XKR4: variants seen among roughly 807,000 people sequenced by gnomAD.
XKR4 encodes XK related 4.
A neutral mutation model predicts 53.9 loss-of-function variants in XKR4; 12 were observed. The ratio of observed to expected loss-of-function variants is 0.22; its 90% CI spans 0.14 to 0.36. The LOEUF is 0.36. Ranked by LOEUF, XKR4 falls within the 10% of genes least tolerant of loss-of-function variation. The pLI, the probability that XKR4 is intolerant of heterozygous loss-of-function variation, is 1.00. For missense variants in XKR4, 799 were observed against 859.5 expected (o/e 0.93, Z 0.88); for synonymous variants, 354 against 362.4 (o/e 0.98, Z 0.26).
At chr8:55,485,083 C>T (rs973216940) in intron 2 of XKR4, among the ~76,000 whole-genome samples, 3 of 152,196 alleles carry the variant, frequency 2.0e-5, no homozygotes, top group Non-Finnish European at 4.4e-5. Flanking sequence ...GATAAAAATT[C>T]TCAGAAATCT....
Position 55,511,444 on chromosome 8 carries a change from C to T in XKR4, c.1007-11837C>T, listed in dbSNP as rs923883533. ...GGCATTCCCTCTACCTTCTGCCTTC[C>T]CCCAACCAGCCCCTTGCCCCCAAGT... On this transcript the variant is annotated intron_variant, in intron 2 of 2. Coordinates refer to ENST00000327381, the MANE Select transcript of XKR4 (RefSeq NM_052898.2). Among the ~76,000 whole-genome samples the T allele has an allele frequency of 3.3e-5, 5 of 152,122 alleles. No homozygotes were observed. In the East Asian group the frequency reaches 9.6e-4, roughly 29 times the overall value.
chr8:55,418,958 T>C (rs973237914), intron 2 of XKR4, among the ~76,000 whole-genome samples: 2 of 152,200 alleles, frequency 1.3e-5, no homozygotes, highest in African/African-American at 4.8e-5. Context: ...GATTTGATTA[T>C]TGACTGTATT....
intron 1 of XKR4, among the ~76,000 whole-genome samples, chr8:55,126,825 A>T (rs145884301): frequency 1.7e-3 from 263 of 152,342 alleles, no homozygotes; most frequent in African/African-American, 5.9e-3. Context: ...CACCAGGTTA[A>T]CCACGATTAG....
intron 1 of XKR4, among the ~76,000 whole-genome samples, chr8:55,244,098 T>C (rs1198235750): frequency 6.6e-6 from 1 of 152,226 alleles, no homozygotes; most frequent in Non-Finnish European, 1.5e-5. Context: ...CAGGGGAACA[T>C]GTGCAGGTAT....
intron 2 of XKR4, among the ~76,000 whole-genome samples, chr8:55,460,814 C>T (rs1019346061): frequency 3.3e-5 from 5 of 152,196 alleles, no homozygotes; most frequent in East Asian, 1.9e-4. Context: ...GCTTATCAAA[C>T]GGCACACCAG....
chr8:55,130,179 G>A (rs1405681311), intron 1 of XKR4, among the ~76,000 whole-genome samples: 1 of 152,124 alleles, frequency 6.6e-6, no homozygotes, highest in East Asian at 1.9e-4. Context: ...TTCCAGAGAG[G>A]AAATACAGAT....
intron 1 of XKR4, among the ~76,000 whole-genome samples, chr8:55,270,998 G>A (rs1232725911): frequency 2.6e-5 from 4 of 152,148 alleles, no homozygotes; most frequent in African/African-American, 7.2e-5. Context: ...AAGAGCTAGG[G>A]AGGCTGAGCA....
intron 2 of XKR4, among the ~76,000 whole-genome samples, chr8:55,518,379 C>T (rs754711465): frequency 1.9e-4 from 29 of 151,992 alleles, no homozygotes; most frequent in Non-Finnish European, 2.8e-4. Flanking sequence ...TTTTTCCTTC[C>T]GTCCTTCCTT....
intron 2 of XKR4, among the ~76,000 whole-genome samples, chr8:55,494,842 A>T (rs1349067496): frequency 6.6e-6 from 1 of 152,138 alleles, no homozygotes; most frequent in African/African-American, 2.4e-5. Flanking sequence ...AGGCCCAGGG[A>T]AAAGCACTAC....
At chr8:55,152,306 A>T (rs1816850062) in intron 1 of XKR4, among the ~76,000 whole-genome samples, 1 of 152,212 alleles carries the variant, frequency 6.6e-6, no homozygotes, top group South Asian at 2.1e-4. Context: ...GTTTAAAGTT[A>T]GATGATAGAT....
At chr8:55,367,777 C>T (rs984728382) in intron 2 of XKR4, among the ~76,000 whole-genome samples, 3 of 152,072 alleles carry the variant, frequency 2.0e-5, no homozygotes, top group Non-Finnish European at 4.4e-5. Context: ...TCAGCAAGTC[C>T]TGTGTGCTCC....
At chr8:55,486,870 C>T (rs1248662623) in intron 2 of XKR4, among the ~76,000 whole-genome samples, 1 of 152,190 alleles carries the variant, frequency 6.6e-6, no homozygotes, top group African/African-American at 2.4e-5. Context: ...GGAGCAATTT[C>T]ACAGATCTCT....
intron 1 of XKR4, among the ~76,000 whole-genome samples, chr8:55,205,507 A>AG (rs1454059920): frequency 6.6e-6 from 1 of 152,220 alleles, no homozygotes; most frequent in Non-Finnish European, 1.5e-5. Flanking sequence ...CAGAAAAAAA[A>AG]GAAGTGCAGC....
intron 2 of XKR4, among the ~76,000 whole-genome samples, chr8:55,401,620 G>T (rs1255135253): frequency 6.6e-6 from 1 of 152,234 alleles, no homozygotes; most frequent in African/African-American, 2.4e-5. Flanking sequence ...GCAAAGGCAG[G>T]CTGCTTGCCA....
intron 1 of XKR4, among the ~76,000 whole-genome samples, chr8:55,195,239 A>T (rs1817490048): frequency 9.2e-6 from 1 of 108,596 alleles, no homozygotes; most frequent in Admixed American, 9.0e-5. Context: ...AATGTTAATA[A>T]TTATCTATCA....
At chr8:55,326,468 CTTTTTTTTTT>C (rs10666278) in intron 1 of XKR4, among the ~76,000 whole-genome samples, 3 of 111,782 alleles carry the variant, frequency 2.7e-5, no homozygotes, top group African/African-American at 1.1e-4. Flanking sequence ...ATTTTTTTTC[CTTTTTTTTTT>C]TTTTTTTTTG....
At position 55,540,824 on chromosome 8, in the gene XKR4, T is replaced by G. The variant is rs948149408; in HGVS notation, c.*16597T>G. ...CTAGTAATGATAATTAATGCCATTT[T>G]ACATGATAGCTTCAATGCAGAAATG... On this transcript the variant is annotated 3_prime_UTR_variant, in exon 3 of 3. Transcript: ENST00000327381. The G allele has an allele frequency of 2.6e-5, 4 of 152,216 alleles. No individual in the cohort carries two copies. The highest frequency in any genetic ancestry group is 2.0e-4 in the Admixed American group (3 of 15,284). The allele number at this position is 152,216 out of a possible 1,614,324, so 9.4% of individuals were successfully genotyped here. A position where few individuals can be genotyped will look rare whatever the true frequency, so the allele number is the denominator to read the frequency against.
At chr8:55,344,131 C>A (rs1322728814) in intron 1 of XKR4, among the ~76,000 whole-genome samples, 1 of 152,248 alleles carries the variant, frequency 6.6e-6, no homozygotes, top group African/African-American at 2.4e-5. Context: ...GTTGTTATAC[C>A]CCCACTCTCT....
At chr8:55,352,026 G>A (rs1049373614) in intron 1 of XKR4, among the ~76,000 whole-genome samples, 1 of 152,246 alleles carries the variant, frequency 6.6e-6, no homozygotes, top group South Asian at 2.1e-4. Context: ...TTCTTTATAG[G>A]GGTACAAAGA....
Sources: gnomAD v4.1 joint callset for allele counts (sites outside exome capture counted in the v4.1 genomes callset) on GRCh38, gnomAD v4.1.1 for gene constraint, MANE v1.5 for transcripts, NCBI Gene and HGNC (gene_info 2026-07-23, HGNC 2026-07-21) for gene names.